The following POU2F2 variants were observed in gnomAD, a reference collection of about 807,000 sequenced individuals.
The protein encoded by POU2F2 is POU domain, class 2, transcription factor 2.
In POU2F2, 14 loss-of-function variants were observed where a neutral mutation model predicts 63.5. The ratio of observed to expected loss-of-function variants is 0.22; its 90% CI spans 0.15 to 0.34. The LOEUF (loss-of-function observed/expected upper bound fraction) is 0.34. Ranked by LOEUF, POU2F2 falls within the 10% of genes least tolerant of loss-of-function variation. POU2F2 has a pLI of 1.00. For missense variants in POU2F2, 607 were observed against 815.2 expected, an observed-to-expected ratio of 0.74 and a Z score of 3.11; for synonymous variants, 306 against 348.6, an observed-to-expected ratio of 0.88 and a Z score of 1.36.
intron 1 of POU2F2, among the ~76,000 whole-genome samples, chr19:42,188,834 A>AAAAGAAAGAAAGGGAAAGAGAGAG (rs2035043877): frequency 6.8e-6 from 1 of 147,534 alleles, no homozygotes; most frequent in African/African-American, 2.5e-5. Context: ...AGAGGAAGAA[A>AAAAGAAAGAAAGGGAAAGAGAGAG]AAAGAAAGAA....
intron 1 of POU2F2, among the ~76,000 whole-genome samples, chr19:42,165,943 G>GTTCA (rs537667235): frequency 2.6e-4 from 40 of 152,294 alleles, no homozygotes; most frequent in Middle Eastern, 3.4e-3. Context: ...ATATTCCTTT[G>GTTCA]TTCATTCATT....
intron 2 of POU2F2, among the ~76,000 whole-genome samples, chr19:42,159,757 G>A (rs1328576240): frequency 1.3e-5 from 2 of 152,162 alleles, no homozygotes; most frequent in Non-Finnish European, 2.9e-5. Flanking sequence ...CCCACTTCCT[G>A]CAGCCACACG....
At chr19:42,099,438 G>C (rs952195925) in intron 7 of POU2F2, 89 bp downstream of exon 7, 3 of 1,160,148 alleles carry the variant, frequency 2.6e-6, no homozygotes, top group African/African-American at 3.0e-5. Context: ...ATGGAAAGGA[G>C]ACTCTCACTC....
chr19:42,164,365 C>T (rs1004377766), intron 1 of POU2F2, among the ~76,000 whole-genome samples: 3 of 150,980 alleles, frequency 2.0e-5, no homozygotes, highest in East Asian at 3.9e-4. Flanking sequence ...CCAAGGCAGG[C>T]GGATCACCTG....
At position 42,088,498 on chromosome 19, in the gene POU2F2, T is replaced by G. The variant is rs977873496; in HGVS notation, c.*2759A>C. The G allele has an allele frequency of 1.1e-5, 1 of 93,434 alleles. No individual in the cohort carries two copies. Among genetic ancestry groups the G allele is most frequent in the African/African-American group, 3.5e-5 (1 of 28,212 alleles). 5.8% of individuals were successfully genotyped at this position (93,434 alleles called of 1,614,324 possible). A position where few individuals can be genotyped will look rare whatever the true frequency, so the allele number is the denominator to read the frequency against. On this transcript the variant is annotated 3_prime_UTR_variant, in exon 15 of 15. Transcript: ENST00000692977. ...GTGGTGAGTCCTGGATTTTCTTTCC[T>G]TTTTTTTTTTTTTTTTTCCTTTTTG...
At chr19:42,151,203 T>C (rs2034342064) in intron 2 of POU2F2, among the ~76,000 whole-genome samples, 1 of 152,056 alleles carries the variant, frequency 6.6e-6, no homozygotes, top group South Asian at 2.1e-4. Flanking sequence ...GCTTGTCTCT[T>C]TCCCCTCCCC....
upstream of POU2F2, among the ~76,000 whole-genome samples, chr19:42,197,602 T>C (rs910806281): frequency 5.9e-5 from 9 of 151,898 alleles, no homozygotes; most frequent in African/African-American, 2.2e-4. Context: ...GAATATTGAG[T>C]AAGAGAAACG....
In POU2F2 at chr19:42,092,966, A is replaced by G. The variant is rs1290582617; in HGVS notation, c.1265-696T>C. The stretch of plus-strand genomic sequence containing the variant: ...TATATTATGTGTATATATATTATGC[A>G]TATATATATTATGTGTGTGTGTATA... On this transcript the variant is annotated intron_variant, in intron 12 of 14. Coordinates refer to ENST00000692977, the MANE Select transcript of POU2F2 (RefSeq NM_001394376.1). The surrounding 1 kb of genome is among the most constrained non-coding windows in gnomAD (Gnocchi z 5.0). 6.9e-6 allele frequency among the ~76,000 whole-genome samples: 1 copy of G among 144,142 alleles called. No individual in the cohort carries two copies. Among genetic ancestry groups the G allele is most frequent in the Admixed American group, 7.0e-5 (1 of 14,244 alleles). 94.6% of individuals were successfully genotyped at this position (144,142 alleles called of 152,430 possible).
intron 1 of POU2F2, among the ~76,000 whole-genome samples, 186 bp from the exon 2 acceptor site, chr19:42,122,762 T>G (rs1438017355): frequency 1.3e-5 from 2 of 152,044 alleles, no homozygotes; most frequent in Non-Finnish European, 1.5e-5. Flanking sequence ...TCTGGCAAGA[T>G]GAGACACAGC....
At chr19:42,126,869 T>A (rs2033246428) in intron 1 of POU2F2, among the ~76,000 whole-genome samples, 1 of 152,208 alleles carries the variant, frequency 6.6e-6, no homozygotes, top group Non-Finnish European at 1.5e-5. Flanking sequence ...CAGTCTCTGT[T>A]TCCTACTACT....
chr19:42,170,857 T>C (rs986097597), intron 1 of POU2F2, among the ~76,000 whole-genome samples: 2 of 152,248 alleles, frequency 1.3e-5, no homozygotes, highest in African/African-American at 4.8e-5. Flanking sequence ...TCTCTGGTCA[T>C]GGGCCCCCAG....
chr19:42,171,235 G>A (rs2034758861), intron 1 of POU2F2, among the ~76,000 whole-genome samples: 1 of 152,176 alleles, frequency 6.6e-6, no homozygotes. Flanking sequence ...GTGGAAGTCC[G>A]CTTGTAGGTA....
Position 42,092,154 on chromosome 19 carries a change from G to A in POU2F2, c.1381C>T (p.Pro461Ser), listed in dbSNP as rs747765496. The change falls in exon 13 of 15, where the codon CCC (proline) becomes TCC (serine). Residue 461 changes from proline (P) to serine (S), a missense_variant. Physicochemically the swap from Pro to Ser is moderately conservative, Grantham distance 74 (BLOSUM62 -1). Transcript: ENST00000692977. The surrounding 1 kb of genome is among the most constrained non-coding windows in gnomAD (Gnocchi z 5.0). The part of the protein sequence containing the change: ...LNSIPSVTPP[P>S]PATTNSTNPS... Reference sequence around the variant, plus strand: ...TTTGTGCTGTTGGTGGTGGCCGGGGGTGGGGGAGTGACAGAGGGGATGGAA... The same window carrying A: ...TTTGTGCTGTTGGTGGTGGCCGGGGATGGGGGAGTGACAGAGGGGATGGAA... 3.8e-6 allele frequency: 6 copies of A among 1,583,950 alleles called. No individual in the cohort carries two copies. Among genetic ancestry groups the A allele is most frequent in the Non-Finnish European group, 5.1e-6 (6 of 1,166,724 alleles).
chr19:42,187,456 CA>C lies in POU2F2; in HGVS notation c.-70+8926del, dbSNP rs35993667. ...CTCCAGCCTAGGTGAGACTCTGTCT[CA>C]AAAAAAAAAAAAAAAAAAAACAGGC... On this transcript the variant is annotated intron_variant, in intron 1 of 5. Transcript: ENST00000532176. Among the ~76,000 whole-genome samples the C allele has an allele frequency of 4.6e-3, 224 of 48,932 alleles. 1 individual carries two copies. Among genetic ancestry groups the C allele is most frequent in the Admixed American group, 0.011 (51 of 4,466 alleles). 32.1% of individuals were successfully genotyped at this position (48,932 alleles called of 152,430 possible). A position where few individuals can be genotyped will look rare whatever the true frequency, so the allele number is the denominator to read the frequency against.
chr19:42,183,222 C>T (rs887629146), intron 1 of POU2F2, among the ~76,000 whole-genome samples: 2 of 152,160 alleles, frequency 1.3e-5, no homozygotes, highest in African/African-American at 4.8e-5. Flanking sequence ...ACAACTCTGC[C>T]CTCATAGAGA....
intron 1 of POU2F2, among the ~76,000 whole-genome samples, chr19:42,173,607 G>A (rs553979434): frequency 6.6e-6 from 1 of 151,214 alleles, no homozygotes; most frequent in Non-Finnish European, 1.5e-5. Context: ...AGGACGTATA[G>A]GCTAACAACC....
intron 1 of POU2F2, among the ~76,000 whole-genome samples, chr19:42,168,417 G>A (rs961385847): frequency 4.6e-5 from 7 of 152,214 alleles, no homozygotes; most frequent in Non-Finnish European, 7.3e-5. Context: ...TGAAGGTCCC[G>A]TGACCCTGGG....
rs2076931396 is a variant in POU2F2, at chr19:42,096,594, G to A, written c.568-351C>T. On this transcript the variant is annotated intron_variant, in intron 7 of 14. Coordinates refer to ENST00000692977, the MANE Select transcript of POU2F2 (RefSeq NM_001394376.1). This position sits in a 1 kb window ranked among gnomAD's most constrained non-coding sequence, Gnocchi z 4.1. Reference sequence around the variant, plus strand: ...GTGGTTCATCCTCATCTCAACCTGGGAATCAGGGACTGGCCCTGCCACCAA... The same window carrying A: ...GTGGTTCATCCTCATCTCAACCTGGAAATCAGGGACTGGCCCTGCCACCAA... 6.6e-6 allele frequency among the ~76,000 whole-genome samples: 1 copy of A among 152,182 alleles called. No individual in the cohort carries two copies. The highest frequency in any genetic ancestry group is 1.5e-5 in the Non-Finnish European group (1 of 68,018).
chr19:42,176,457 C>G (rs897700082), upstream of POU2F2, among the ~76,000 whole-genome samples: 1 of 152,032 alleles, frequency 6.6e-6, no homozygotes, highest in Admixed American at 6.5e-5. Flanking sequence ...CTCTTGACTC[C>G]CTCCTTTCTC....
Sources: allele counts gnomAD v4.1 joint callset (sites outside exome capture counted in the v4.1 genomes callset), GRCh38; gene constraint gnomAD v4.1.1; non-coding constraint Gnocchi (gnomAD v3.1); transcripts MANE v1.5; gene names NCBI Gene and HGNC (gene_info 2026-07-23, HGNC 2026-07-21).